HMGXB3: variants seen among roughly 807,000 people sequenced by gnomAD.
HMGXB3 encodes the protein HMG-box containing 3, also known as HMG domain-containing protein 3.
HMGXB3 carries 45 observed loss-of-function variants against 121.5 expected under a neutral mutation model. The ratio of observed to expected loss-of-function variants is 0.37; its 90% CI spans 0.29 to 0.47. The LOEUF (loss-of-function observed/expected upper bound fraction) is 0.47, where lower values mean the gene tolerates loss of function less well. Ranked by LOEUF, HMGXB3 falls within the 20% of genes least tolerant of loss-of-function variation. The pLI, the probability that HMGXB3 is intolerant of heterozygous loss-of-function variation, is 0.99. For missense variants in HMGXB3, 1,376 were observed against 1,602.2 expected, an observed-to-expected ratio of 0.86 and a Z score of 2.41; for synonymous variants, 590 against 624.1, an observed-to-expected ratio of 0.95 and a Z score of 0.81.
chr5:150,051,686 A>G (rs1474563167), intron 19 of HMGXB3, 39 bp from the exon 20 acceptor site: 1 of 1,446,550 alleles, frequency 6.9e-7, no homozygotes, highest in Non-Finnish European at 9.3e-7. Flanking sequence ...CACCTTAGTC[A>G]TTCCTTCTTA....
chr5:150,019,237 ACAC>A (rs1756029617), intron 6 of HMGXB3, among the ~76,000 whole-genome samples: 1 of 152,146 alleles, frequency 6.6e-6, no homozygotes, highest in Non-Finnish European at 1.5e-5. Context: ...ATGAACTACT[ACAC>A]CATGTTTATT....
At chr5:150,026,382 T>C (rs1424586945) in intron 7 of HMGXB3, among the ~76,000 whole-genome samples, 1 of 152,126 alleles carries the variant, frequency 6.6e-6, no homozygotes, top group Non-Finnish European at 1.5e-5. Context: ...TAACTAGAGG[T>C]AGATTAGATG....
chr5:150,036,653 C>T lies in HMGXB3; in HGVS notation c.2001C>T (p.Leu667=). 5 of 1,546,854 alleles carry T rather than the reference C, an allele frequency of 3.2e-6. No individual in the cohort carries two copies. The highest frequency in any genetic ancestry group is 4.4e-6 in the Non-Finnish European group (5 of 1,144,590). Residue 667 remains leucine (L), a synonymous_variant, in exon 12 of 20, where the codon CTC becomes CTT. Transcript: ENST00000502717. ...CTTCCCAGGAGGTGAGCTCACCACT[C>T]CCAGATGTACTGAATGCCACAGAGC... ...TTKAIEVSSP[L]PDVLNATEPL...
Position 150,007,731 on chromosome 5 carries a change from T to C in HMGXB3, c.312+1084T>C, listed in dbSNP as rs115347035. Among the ~76,000 whole-genome samples, 764 of 152,230 alleles carry C rather than the reference T, an allele frequency of 5.0e-3. 5 individuals are homozygous for C. The highest frequency in any genetic ancestry group is 0.017 in the South Asian group (84 of 4,826). On this transcript the variant is annotated intron_variant, in intron 3 of 19. Transcript: ENST00000502717. Reference sequence around the variant, plus strand: ...AGATGGAGTCTAAGAAAAGCTTATCTACTCCCTTTGGTTTCCTTATTATAA... The same window carrying C: ...AGATGGAGTCTAAGAAAAGCTTATCCACTCCCTTTGGTTTCCTTATTATAA...
At chr5:150,008,850 C>T (rs986082884) in intron 3 of HMGXB3, among the ~76,000 whole-genome samples, 1 of 152,222 alleles carries the variant, frequency 6.6e-6, no homozygotes, top group Non-Finnish European at 1.5e-5. Flanking sequence ...CCCATTACCT[C>T]TCCAATAAAG....
intron 14 of HMGXB3, 118 bp from the exon 15 acceptor site, chr5:150,041,667 G>A (rs762989344): frequency 2.7e-5 from 20 of 743,608 alleles, no homozygotes; most frequent in Non-Finnish European, 3.7e-5. Flanking sequence ...GTACACTGGA[G>A]TGTTCTTTAA....
At chr5:150,038,765 T>C (rs1756556927) in intron 13 of HMGXB3, among the ~76,000 whole-genome samples, 1 of 152,224 alleles carries the variant, frequency 6.6e-6, no homozygotes, top group Non-Finnish European at 1.5e-5. Flanking sequence ...CATATTGTGT[T>C]TATCAGTGAT....
At chr5:150,018,831 G>T in intron 6 of HMGXB3, 134 bp downstream of exon 6, 1 of 824,552 alleles carries the variant, frequency 1.2e-6, no homozygotes. Flanking sequence ...CATTTCCATT[G>T]TATATAGTTT....
At chr5:150,042,085 G>A (rs1044569600) in intron 15 of HMGXB3, 116 bp downstream of exon 15, 5 of 775,908 alleles carry the variant, frequency 6.4e-6, no homozygotes, top group African/African-American at 3.5e-5. Flanking sequence ...GGTGAGGCAA[G>A]TGAGTTTTTC....
Position 150,025,235 on chromosome 5 carries a change from C to T in HMGXB3, c.1460+555C>T, listed in dbSNP as rs115074745. Among the ~76,000 whole-genome samples the T allele has an allele frequency of 9.5e-4, 145 of 152,270 alleles. 1 individual carries two copies. Among genetic ancestry groups the T allele is most frequent in the African/African-American group, 3.2e-3 (133 of 41,554 alleles). ...ACATGCAACCAAGTACCTTGCAAGT[C>T]GGAGGAAGTCACTATCTTTTTCTCC... On this transcript the variant is annotated intron_variant, in intron 7 of 19. Transcript: ENST00000502717.
chr5:150,018,320 C>T (rs1258399157), intron 5 of HMGXB3, among the ~76,000 whole-genome samples: 1 of 152,224 alleles, frequency 6.6e-6, no homozygotes, highest in Non-Finnish European at 1.5e-5. Flanking sequence ...CTATCACTTT[C>T]TTCATTCTTC....
intron 14 of HMGXB3, 51 bp downstream of exon 14, chr5:150,040,930 A>G: frequency 6.9e-7 from 1 of 1,452,126 alleles, no homozygotes; most frequent in Non-Finnish European, 9.1e-7. Flanking sequence ...GCTCCCTCGG[A>G]ATTTTCAGTG....
In HMGXB3 at chr5:150,051,785, C is replaced by T. The variant is rs2113766572; in HGVS notation, c.3472C>T (p.His1158Tyr). 1.3e-6 allele frequency: 2 copies of T among 1,545,372 alleles called. No homozygotes were observed. Among genetic ancestry groups the T allele is most frequent in the East Asian group, 2.4e-5 (1 of 40,924 alleles). ...TACTGTGGACATGACAGAAACTGAGCACTCTATCCAGCACCCAGTCACCAA... is the reference window on the plus strand; with the variant it reads ...TACTGTGGACATGACAGAAACTGAGTACTCTATCCAGCACCCAGTCACCAA... Reference protein sequence around the residue: ...HYTVDMTETEHSIQHPVTKTA... With the variant: ...HYTVDMTETEYSIQHPVTKTA... Residue 1158 changes from histidine to tyrosine, a missense_variant, in exon 20 of 20, where the codon CAC becomes TAC. His to Tyr is a moderately conservative substitution (Grantham distance 83, BLOSUM62 2). Transcript: ENST00000502717.
intron 7 of HMGXB3, among the ~76,000 whole-genome samples, chr5:150,025,988 G>GCC (rs1336018448): frequency 2.0e-5 from 3 of 151,808 alleles, no homozygotes. Flanking sequence ...CTGCCACCAC[G>GCC]CCTGGCTAAT....
At chr5:150,016,495 C>T (rs1755964296) in intron 5 of HMGXB3, among the ~76,000 whole-genome samples, 1 of 152,126 alleles carries the variant, frequency 6.6e-6, no homozygotes, top group Admixed American at 6.5e-5. Flanking sequence ...TAAATTGGCC[C>T]CTTTGTTATT....
At position 150,024,477 on chromosome 5, in the gene HMGXB3, C is replaced by G; in HGVS notation, c.1257C>G (p.Ile419Met). 6.4e-7 allele frequency: 1 copy of G among 1,551,676 alleles called. No individual in the cohort carries two copies. The highest frequency in any genetic ancestry group is 8.7e-7 in the Non-Finnish European group (1 of 1,146,966). ...AGGAGAGTGAGTGGGAGGAAGTGATCATCTCCGATGCCCATGTTTTGGTTA... is the reference window on the plus strand; with the variant it reads ...AGGAGAGTGAGTGGGAGGAAGTGATGATCTCCGATGCCCATGTTTTGGTTA... ...VGEESEWEEV[I>M]ISDAHVLVKE... The change falls in exon 7 of 20, where the codon ATC becomes ATG. Residue 419 changes from isoleucine (I) to methionine (M), a missense_variant. By Grantham distance (10) the Ile-to-Met change is conservative. Coordinates refer to ENST00000502717, the MANE Select transcript of HMGXB3 (RefSeq NM_014983.3).
intron 2 of HMGXB3, among the ~76,000 whole-genome samples, chr5:150,005,734 C>T (rs1453669836): frequency 2.0e-5 from 3 of 152,142 alleles, no homozygotes; most frequent in Non-Finnish European, 4.4e-5. Flanking sequence ...TGTGAAACTA[C>T]CAGCATTGGT....
intron 5 of HMGXB3, among the ~76,000 whole-genome samples, chr5:150,014,580 C>G (rs559744259): frequency 6.6e-6 from 1 of 152,270 alleles, no homozygotes; most frequent in South Asian, 2.1e-4. Context: ...ATGTGGAAAG[C>G]AAGTTCTCTT....
Position 150,048,641 on chromosome 5 carries a change from C to T in HMGXB3, c.3157C>T (p.Arg1053Cys), listed in dbSNP as rs979076287. The T allele has an allele frequency of 6.4e-6, 10 of 1,551,760 alleles. No individual in the cohort carries two copies. In the East Asian group the frequency reaches 7.3e-5, roughly 11 times the overall value. ...QNGARAIRPP[R>C]HFTGGKIYKV... ...TGGAGCTAGAGCTATACGGCCCCCA[C>T]GTCACTTCACAGGTGGTAAAATCTA... is the stretch of plus-strand genomic sequence containing the variant. Residue 1053 changes from arginine to cysteine, a missense_variant, in exon 18 of 20, where the codon CGT becomes TGT. Physicochemically the swap from Arg to Cys is radical, Grantham distance 180. Coordinates refer to ENST00000502717, the MANE Select transcript of HMGXB3 (RefSeq NM_014983.3).
Sources: allele counts gnomAD v4.1 joint callset (sites outside exome capture counted in the v4.1 genomes callset), GRCh38; gene constraint gnomAD v4.1.1; transcripts MANE v1.5; gene names NCBI Gene and HGNC (gene_info 2026-07-23, HGNC 2026-07-21).